SGK1: variants seen among roughly 807,000 people sequenced by gnomAD.
The protein encoded by SGK1 is serum/glucocorticoid regulated kinase 1.
SGK1 carries 26 observed loss-of-function variants against 64.2 expected under a neutral mutation model. The ratio of observed to expected loss-of-function variants is 0.40; its 90% CI spans 0.30 to 0.56. The LOEUF is 0.56. Ranked by LOEUF, SGK1 falls within the 20% of genes least tolerant of loss-of-function variation. SGK1 has a pLI of 0.38. For synonymous variants in SGK1, 265 were observed against 239.7 expected (o/e 1.11, Z -0.98); for missense variants, 519 against 645.6 (o/e 0.80, Z 2.12).
At chr6:134,220,907 G>A (rs1174686704) in intron 2 of SGK1, among the ~76,000 whole-genome samples, 18 of 151,828 alleles carry the variant, frequency 1.2e-4, no homozygotes, top group Non-Finnish European at 2.2e-4. Context: ...ACTTGAACCC[G>A]GGAGGCAGAG....
At chr6:134,309,444 C>T (rs1162811307) in intron 1 of SGK1, among the ~76,000 whole-genome samples, 1 of 152,182 alleles carries the variant, frequency 6.6e-6, no homozygotes, top group Non-Finnish European at 1.5e-5. Flanking sequence ...GCCAGCATCA[C>T]TGTGCAGTTT....
At chr6:134,311,082 C>T (rs1372611110) in intron 1 of SGK1, among the ~76,000 whole-genome samples, 1 of 152,110 alleles carries the variant, frequency 6.6e-6, no homozygotes, top group Non-Finnish European at 1.5e-5. Flanking sequence ...GGGGAAGTGA[C>T]AGCTTGTCTT....
At chr6:134,201,249 A>G (rs1775676258) in intron 3 of SGK1, among the ~76,000 whole-genome samples, 2 of 151,354 alleles carry the variant, frequency 1.3e-5, no homozygotes, top group Admixed American at 1.3e-4. Context: ...TTTAGTAGAG[A>G]CAGGGTTTCA....
At chr6:134,174,962 C>T in intron 3 of SGK1, 2 of 1,372,382 alleles carry the variant, frequency 1.5e-6, no homozygotes, top group South Asian at 1.5e-5. Flanking sequence ...CCTCGCCCCT[C>T]GCCCCGCCCC....
Position 134,169,830 on chromosome 6 carries a change from C to G in SGK1, c.*438G>C, listed in dbSNP as rs1206924391. On this transcript the variant is annotated 3_prime_UTR_variant, in exon 14 of 14. Transcript: ENST00000367858. ...TACCACACTCACACGACGGTTCACA[C>G]AGCATATCCACAAGGGAAAATAAAG... The G allele has an allele frequency of 6.5e-6, 1 of 153,720 alleles. No homozygotes were observed. The highest frequency in any genetic ancestry group is 1.9e-4 in the East Asian group (1 of 5,246). The allele number at this position is 153,720 out of a possible 1,614,324, so 9.5% of individuals were successfully genotyped here.
intron 3 of SGK1, among the ~76,000 whole-genome samples, chr6:134,193,850 G>A (rs569471135): frequency 1.8e-5 from 2 of 110,844 alleles, no homozygotes; most frequent in Non-Finnish European, 3.6e-5. Flanking sequence ...GAGGGGAGGG[G>A]AGGGGAAAAA....
chr6:134,181,974 C>G (rs1289149690), intron 3 of SGK1, among the ~76,000 whole-genome samples: 1 of 152,024 alleles, frequency 6.6e-6, no homozygotes. Context: ...TCTCATGCCT[C>G]AGACTCTCAA....
At chr6:134,217,116 A>G (rs1351442026) in intron 2 of SGK1, among the ~76,000 whole-genome samples, 1 of 152,206 alleles carries the variant, frequency 6.6e-6, no homozygotes, top group African/African-American at 2.4e-5. Context: ...AACAACAGGG[A>G]GTTGACAGAG....
intron 2 of SGK1, among the ~76,000 whole-genome samples, chr6:134,246,049 AAC>A (rs961801595): frequency 3.9e-5 from 6 of 152,238 alleles, no homozygotes; most frequent in African/African-American, 1.4e-4. Flanking sequence ...GTGTCCAATG[AAC>A]ACAAATGACC....
intron 1 of SGK1, among the ~76,000 whole-genome samples, chr6:134,300,041 C>T (rs1472763957): frequency 6.6e-6 from 1 of 152,138 alleles, no homozygotes; most frequent in Non-Finnish European, 1.5e-5. Flanking sequence ...TGGCTTCTAA[C>T]ATCATATTTG....
chr6:134,263,773 G>C (rs1346249366), intron 1 of SGK1, among the ~76,000 whole-genome samples: 1 of 152,072 alleles, frequency 6.6e-6, no homozygotes, highest in African/African-American at 2.4e-5. Context: ...CCTCAGAACA[G>C]GCAGGGTGAG....
rs546976047 is a variant in SGK1, at chr6:134,259,296, A to G, written c.285+2637T>C. 3.0e-4 allele frequency among the ~76,000 whole-genome samples: 45 copies of G among 152,246 alleles called. 1 individual carries two copies. In the South Asian group the frequency reaches 9.1e-3, roughly 31 times the overall value. ...TGTGTGCTCTGTATAGGATATGTAGAACCCTCTCTCTGCTTCTAAGTCATA... is the reference window on the plus strand; with the variant it reads ...TGTGTGCTCTGTATAGGATATGTAGGACCCTCTCTCTGCTTCTAAGTCATA... On this transcript the variant is annotated intron_variant, in intron 2 of 13. Coordinates refer to ENST00000367858, the MANE Select transcript of SGK1 (RefSeq NM_001143676.3).
chr6:134,241,755 G>C (rs964851505), intron 2 of SGK1, among the ~76,000 whole-genome samples: 54 of 152,200 alleles, frequency 3.5e-4, no homozygotes, highest in Middle Eastern at 3.4e-3. Flanking sequence ...CGAGTAGCTG[G>C]GACTACAGGC....
intron 2 of SGK1, among the ~76,000 whole-genome samples, chr6:134,215,929 T>A (rs889637508): frequency 6.6e-6 from 1 of 152,136 alleles, no homozygotes. Context: ...GGCAGGAGAA[T>A]CGCTTGAACC....
At chr6:134,233,658 C>T (rs1248612398) in intron 2 of SGK1, among the ~76,000 whole-genome samples, 1 of 151,888 alleles carries the variant, frequency 6.6e-6, no homozygotes, top group African/African-American at 2.4e-5. Context: ...CCCTGCTTTC[C>T]AAAAAGAAAA....
chr6:134,251,216 A>G (rs893565854), intron 2 of SGK1, among the ~76,000 whole-genome samples: 3 of 152,238 alleles, frequency 2.0e-5, no homozygotes, highest in African/African-American at 7.2e-5. Flanking sequence ...CTTTGAGGAA[A>G]AAGAGAAATA....
intron 3 of SGK1, among the ~76,000 whole-genome samples, chr6:134,180,020 C>G (rs1245733081): frequency 6.6e-6 from 1 of 152,166 alleles, no homozygotes; most frequent in Non-Finnish European, 1.5e-5. Flanking sequence ...GTGGTACAGT[C>G]ACAGCTCACT....
chr6:134,300,631 G>GT (rs1562278832), intron 1 of SGK1, among the ~76,000 whole-genome samples: 6 of 135,056 alleles, frequency 4.4e-5, no homozygotes, highest in African/African-American at 1.5e-4. Context: ...ATAAATGTTT[G>GT]GTTTTTTTTT....
intron 1 of SGK1, among the ~76,000 whole-genome samples, chr6:134,299,309 G>A (rs1777411131): frequency 6.6e-6 from 1 of 152,026 alleles, no homozygotes. Flanking sequence ...AGGATGCAGT[G>A]AGCTGTGATT....
Sources: gnomAD v4.1 joint callset for allele counts (sites outside exome capture counted in the v4.1 genomes callset) on GRCh38, gnomAD v4.1.1 for gene constraint, MANE v1.5 for transcripts, NCBI Gene and HGNC (gene_info 2026-07-23, HGNC 2026-07-21) for gene names.